MCPH1: variants seen among roughly 807,000 people sequenced by gnomAD.
MCPH1 encodes microcephalin 1, also known as microcephalin.
A neutral mutation model predicts 84.5 loss-of-function variants in MCPH1; 104 were observed. The observed-to-expected ratio is 1.23, with a 90% confidence interval of 1.05 to 1.45. MCPH1 has a LOEUF of 1.45. MCPH1 is among the 40% of genes most tolerant of loss of function. MCPH1 has a pLI of 0.00. For synonymous variants in MCPH1, 514 were observed against 366.8 expected (o/e 1.40, Z -4.58); for missense variants, 1,498 against 1,005.7 (o/e 1.49, Z -6.62).
At chr8:6,573,606 C>A (rs1307953362) in intron 12 of MCPH1, among the ~76,000 whole-genome samples, 1 of 152,016 alleles carries the variant, frequency 6.6e-6, no homozygotes, top group African/African-American at 2.4e-5. Context: ...ATTTGCCAAA[C>A]CTGGCCAACT....
intron 4 of MCPH1, among the ~76,000 whole-genome samples, chr8:6,434,037 C>T (rs2442516): frequency 0.67 from 101,452 of 152,024 alleles, 37,971 homozygotes; most frequent in Non-Finnish European, 0.81. Context: ...TGGCTTTGTG[C>T]AGATGTTACT....
At chr8:6,476,964 AT>A (rs1808544173) in intron 9 of MCPH1, among the ~76,000 whole-genome samples, 1 of 152,108 alleles carries the variant, frequency 6.6e-6, no homozygotes, top group Non-Finnish European at 1.5e-5. Flanking sequence ...TTACAGGAAA[AT>A]TTGTGTTTCT....
At chr8:6,527,893 G>A (rs779887643) in intron 12 of MCPH1, among the ~76,000 whole-genome samples, 14 of 114,664 alleles carry the variant, frequency 1.2e-4, no homozygotes, top group African/African-American at 3.4e-4. Flanking sequence ...TTTTCCCCAC[G>A]TCTCTATTTT....
chr8:6,409,468 C>A lies in MCPH1; in HGVS notation c.114+98C>A, dbSNP rs144432278. 68 of 980,302 alleles carry A rather than the reference C, an allele frequency of 6.9e-5. No homozygotes were observed. In the African/African-American group the frequency reaches 1.0e-3, roughly 15 times the overall value. The allele number at this position is 980,302 out of a possible 1,614,324, so 60.7% of individuals were successfully genotyped here. The stretch of plus-strand genomic sequence containing the variant: ...TATTTTGGGAGTTTTTACTTAGAAT[C>A]TGGACGAAGCAATGGGTAAGCGGTG... On this transcript the variant is annotated intron_variant, in intron 2 of 13. Transcript: ENST00000344683.
intron 13 of MCPH1, among the ~76,000 whole-genome samples, chr8:6,632,663 G>C (rs181334772): frequency 6.6e-6 from 1 of 152,016 alleles, no homozygotes; most frequent in Non-Finnish European, 1.5e-5. Flanking sequence ...CAAAAAATTA[G>C]CCGGCCGTGG....
rs1442977757 is a variant in MCPH1, at chr8:6,505,418, TACATA to T, written c.2214+5491_2214+5495del. Among the ~76,000 whole-genome samples, 3 of 85,776 alleles carry T rather than the reference TACATA, an allele frequency of 3.5e-5. 1 individual carries two copies. Among genetic ancestry groups the T allele is most frequent in the African/African-American group, 1.3e-4 (3 of 22,622 alleles). 56.3% of individuals were successfully genotyped at this position (85,776 alleles called of 152,430 possible). A position where few individuals can be genotyped will look rare whatever the true frequency, so the allele number is the denominator to read the frequency against. On this transcript the variant is annotated intron_variant, in intron 12 of 13. Transcript: ENST00000344683. ...ATATAGAATATATATATTCTTTATA[TACATA>T]AAGAATATATATATTCTTTATATAC...
chr8:6,433,116 T>C (rs1380056131), intron 4 of MCPH1, among the ~76,000 whole-genome samples: 1 of 152,244 alleles, frequency 6.6e-6, no homozygotes, highest in Non-Finnish European at 1.5e-5. Context: ...GACCATTTCA[T>C]GTCGGTAGCT....
intron 9 of MCPH1, among the ~76,000 whole-genome samples, chr8:6,459,618 T>C (rs1806058605): frequency 6.6e-6 from 1 of 152,222 alleles, no homozygotes; most frequent in Non-Finnish European, 1.5e-5. Flanking sequence ...CAGTAAGGTC[T>C]GGGCCTGACA....
chr8:6,423,424 C>G (rs1020048269), intron 3 of MCPH1, among the ~76,000 whole-genome samples: 2 of 152,066 alleles, frequency 1.3e-5, no homozygotes, highest in South Asian at 2.1e-4. Flanking sequence ...CTCGGCCTCC[C>G]AAAGTGCTGG....
intron 12 of MCPH1, among the ~76,000 whole-genome samples, chr8:6,576,682 ATTTTTTTTTTTTTTTT>A (rs58486084): frequency 1.7e-3 from 73 of 42,324 alleles, no homozygotes; most frequent in East Asian, 0.013. Context: ...TAATTTTTGT[ATTTTTTTTTTTTTTTT>A]TTTTTTTTTT....
intron 12 of MCPH1, among the ~76,000 whole-genome samples, chr8:6,504,655 C>T (rs762227119): frequency 6.6e-6 from 1 of 152,028 alleles, no homozygotes; most frequent in African/African-American, 2.4e-5. Context: ...AAGTTCCTGA[C>T]TTAATAAGGA....
intron 12 of MCPH1, among the ~76,000 whole-genome samples, chr8:6,559,509 A>G (rs1825183419): frequency 6.6e-6 from 1 of 152,152 alleles, no homozygotes; most frequent in Non-Finnish European, 1.5e-5. Flanking sequence ...TTAAAAAACA[A>G]ACAAACAAAA....
chr8:6,422,569 T>G (rs1234687976), intron 3 of MCPH1, among the ~76,000 whole-genome samples: 1 of 152,226 alleles, frequency 6.6e-6, no homozygotes, highest in Non-Finnish European at 1.5e-5. Context: ...GCCCAGCCCC[T>G]GACTCATTCT....
At chr8:6,484,405 A>C (rs1173688711) in intron 11 of MCPH1, among the ~76,000 whole-genome samples, 2 of 152,248 alleles carry the variant, frequency 1.3e-5, no homozygotes, top group Non-Finnish European at 2.9e-5. Flanking sequence ...TCTAGCAAGG[A>C]GCCAGGGCAG....
chr8:6,555,312 G>A (rs1345562882), intron 12 of MCPH1, among the ~76,000 whole-genome samples: 4 of 152,252 alleles, frequency 2.6e-5, no homozygotes, highest in South Asian at 2.1e-4. Context: ...GAATTTCGTC[G>A]TCCTGCCTTT....
chr8:6,470,796 G>C (rs1319970003), intron 9 of MCPH1, among the ~76,000 whole-genome samples: 1 of 152,206 alleles, frequency 6.6e-6, no homozygotes, highest in Non-Finnish European at 1.5e-5. Flanking sequence ...ACCATTATAA[G>C]CTTTAGTAGA....
chr8:6,628,288 G>A (rs931151407), intron 13 of MCPH1, among the ~76,000 whole-genome samples: 1 of 151,940 alleles, frequency 6.6e-6, no homozygotes, highest in Admixed American at 6.6e-5. Flanking sequence ...GGCTAACACA[G>A]TGAAACCCCG....
At chr8:6,584,270 C>T (rs189385772) in intron 12 of MCPH1, among the ~76,000 whole-genome samples, 3 of 152,278 alleles carry the variant, frequency 2.0e-5, no homozygotes, top group Admixed American at 1.3e-4. Context: ...TGCAGCTACC[C>T]GTCTGGGATG....
chr8:6,600,302 C>G (rs1363353004), intron 12 of MCPH1, among the ~76,000 whole-genome samples: 1 of 152,232 alleles, frequency 6.6e-6, no homozygotes, highest in Non-Finnish European at 1.5e-5. Context: ...GAGAGGGTCC[C>G]CAGCAGGGAT....
Sources: gnomAD v4.1 joint callset for allele counts (sites outside exome capture counted in the v4.1 genomes callset) on GRCh38, gnomAD v4.1.1 for gene constraint, MANE v1.5 for transcripts, NCBI Gene and HGNC (gene_info 2026-07-23, HGNC 2026-07-21) for gene names.